The following ITGA9 variants were observed in gnomAD, a reference collection of about 807,000 sequenced individuals.
ITGA9 encodes the protein integrin subunit alpha 9.
Under a neutral mutation model 127.8 loss-of-function variants are expected in ITGA9, and 56 were observed. That is an observed-to-expected ratio of 0.44 (90% CI 0.35 to 0.55). ITGA9 has a LOEUF of 0.55. Among genes scored for constraint, ITGA9 ranks in the 20% least tolerant of loss-of-function variants. The pLI is 0.00. For synonymous variants in ITGA9, 508 were observed against 514.5 expected (o/e 0.99, Z 0.17); for missense variants, 1,196 against 1,347.1 (o/e 0.89, Z 1.76).
chr3:37,673,340 T>G (rs548375562), intron 17 of ITGA9, among the ~76,000 whole-genome samples: 1 of 152,168 alleles, frequency 6.6e-6, no homozygotes, highest in African/African-American at 2.4e-5. Context: ...ACCTTTCCCC[T>G]GTGAGACTCA....
intron 18 of ITGA9, among the ~76,000 whole-genome samples, chr3:37,709,284 T>C (rs1253041987): frequency 2.0e-5 from 3 of 152,200 alleles, no homozygotes; most frequent in Non-Finnish European, 4.4e-5. Context: ...TGACCTGGCA[T>C]GTGAAGCTGG....
At chr3:37,515,414 G>C (rs1209574390) in intron 9 of ITGA9, among the ~76,000 whole-genome samples, 1 of 152,196 alleles carries the variant, frequency 6.6e-6, no homozygotes, top group Non-Finnish European at 1.5e-5. Context: ...AGTGAAAGGA[G>C]AGCCAGGGAT....
Position 37,651,480 on chromosome 3 carries a change from C to T in ITGA9, c.1840-2234C>T, listed in dbSNP as rs61327828. Among the ~76,000 whole-genome samples, 705 of 152,272 alleles carry T rather than the reference C, an allele frequency of 4.6e-3. 4 individuals are homozygous for T. The highest frequency in any genetic ancestry group is 0.016 in the African/African-American group (668 of 41,548). On this transcript the variant is annotated intron_variant, in intron 16 of 27. Transcript: ENST00000264741. ...TCTCTCAGAGCAATGTGTGGTCTTT[C>T]GGTGTTGATAAAGCAGCAACTACAT...
In ITGA9 at chr3:37,806,701, G is replaced by C. The variant is rs1232181854; in HGVS notation, c.3009+2759G>C. 6.6e-6 allele frequency: 1 copy of C among 152,242 alleles called. No individual in the cohort carries two copies. The highest frequency in any genetic ancestry group is 1.5e-5 in the Non-Finnish European group (1 of 68,052). The allele number at this position is 152,242 out of a possible 1,614,324, so 9.4% of individuals were successfully genotyped here. A position where few individuals can be genotyped will look rare whatever the true frequency, so the allele number is the denominator to read the frequency against. ...CTGCCCTCTGCCACAGACTGGGAGG[G>C]AGAGGGCAGTCACGGCCGCCAGGGA... is the stretch of plus-strand genomic sequence containing the variant. On this transcript the variant is annotated intron_variant, in intron 27 of 27. Transcript: ENST00000264741. This position sits in a 1 kb window ranked among gnomAD's most constrained non-coding sequence, Gnocchi z 4.3.
intron 6 of ITGA9, among the ~76,000 whole-genome samples, chr3:37,504,806 A>C (rs1357863111): frequency 6.6e-6 from 1 of 152,218 alleles, no homozygotes; most frequent in East Asian, 1.9e-4. Flanking sequence ...GAAATCAGCC[A>C]CATGGTGAGG....
At chr3:37,599,907 T>A (rs548050843) in intron 15 of ITGA9, among the ~76,000 whole-genome samples, 1 of 152,286 alleles carries the variant, frequency 6.6e-6, no homozygotes, top group African/African-American at 2.4e-5. Flanking sequence ...CCTGAGGCAG[T>A]AGGGGAGATC....
intron 15 of ITGA9, among the ~76,000 whole-genome samples, chr3:37,601,904 G>C (rs1223974566): frequency 6.6e-6 from 1 of 152,206 alleles, no homozygotes; most frequent in Non-Finnish European, 1.5e-5. Flanking sequence ...GAGGGCGTCA[G>C]GCTGATTCTA....
intron 18 of ITGA9, among the ~76,000 whole-genome samples, chr3:37,705,317 T>C (rs1195219144): frequency 6.6e-6 from 1 of 152,242 alleles, no homozygotes; most frequent in Admixed American, 6.5e-5. Flanking sequence ...CTGACAGTCA[T>C]TAGCTAGTGG....
At chr3:37,579,400 T>G (rs1021808167) in intron 15 of ITGA9, among the ~76,000 whole-genome samples, 22 of 152,092 alleles carry the variant, frequency 1.4e-4, no homozygotes, top group Non-Finnish European at 8.8e-5. Context: ...GCTCCAGCCA[T>G]CACATCCAAA....
chr3:37,557,236 T>C (rs904333710), intron 15 of ITGA9, among the ~76,000 whole-genome samples: 2 of 152,220 alleles, frequency 1.3e-5, no homozygotes, highest in Non-Finnish European at 2.9e-5. Context: ...AGCTTAGAAA[T>C]TGCATGGGTC....
At position 37,820,864 on chromosome 3, in the gene ITGA9, A is replaced by C. The variant is rs1221492616; in HGVS notation, c.*1875A>C. The C allele has an allele frequency of 6.6e-6, 1 of 152,196 alleles. No individual in the cohort carries two copies. Among genetic ancestry groups the C allele is most frequent in the African/African-American group, 2.4e-5 (1 of 41,452 alleles). 9.4% of individuals were successfully genotyped at this position (152,196 alleles called of 1,614,324 possible). ...TTCTTATAGCACCTTTTTTACTGGA[A>C]GCTAACACGTTGGGAGTCCGTGAAC... On this transcript the variant is annotated 3_prime_UTR_variant, in exon 28 of 28. Coordinates refer to ENST00000264741, the MANE Select transcript of ITGA9 (RefSeq NM_002207.3).
rs1698706629 is a variant in ITGA9 at position 37,494,494 on chromosome 3, C to T, written c.545-7C>T. 2 of 1,605,326 alleles carry T rather than the reference C, an allele frequency of 1.2e-6. No individual in the cohort carries two copies. The highest frequency in any genetic ancestry group is 2.2e-5 in the South Asian group (2 of 90,790). ...TGGTTTGCTTCTCTCTCCTTCCTTC[C>T]CCCTAGAGTATAAGAAGAAGTACGG... On this transcript the variant is annotated splice_polypyrimidine_tract_variant and splice_region_variant and intron_variant, in intron 4 of 27. Transcript: ENST00000264741.
intron 16 of ITGA9, among the ~76,000 whole-genome samples, chr3:37,638,526 G>A (rs1188763725): frequency 5.3e-5 from 8 of 151,846 alleles, no homozygotes; most frequent in African/African-American, 7.3e-5. Flanking sequence ...CTGAGAGTGA[G>A]GCCCACTGCA....
Position 37,819,095 on chromosome 3 carries a change from A to G in ITGA9, c.*106A>G. 1 of 850,354 alleles carries G rather than the reference A, an allele frequency of 1.2e-6. No homozygotes were observed. Among genetic ancestry groups the G allele is most frequent in the South Asian group, 1.4e-5 (1 of 70,116 alleles). The allele number at this position is 850,354 out of a possible 1,614,324, so 52.7% of individuals were successfully genotyped here. On this transcript the variant is annotated 3_prime_UTR_variant, in exon 28 of 28. Coordinates refer to ENST00000264741, the MANE Select transcript of ITGA9 (RefSeq NM_002207.3). ...CTTCTCCAGATTTTTCGGAGGCCCC[A>G]CTGATGCTGTTCTCTTCTTCATTCT... is the stretch of plus-strand genomic sequence containing the variant.
At chr3:37,515,928 G>C (rs993335294) in intron 9 of ITGA9, among the ~76,000 whole-genome samples, 5 of 152,114 alleles carry the variant, frequency 3.3e-5, no homozygotes, top group African/African-American at 9.7e-5. Flanking sequence ...GTGCTTATTG[G>C]TACCTGTTGC....
chr3:37,671,608 G>A (rs1461372477), intron 17 of ITGA9, among the ~76,000 whole-genome samples: 1 of 152,058 alleles, frequency 6.6e-6, no homozygotes, highest in Non-Finnish European at 1.5e-5. Flanking sequence ...GGCCCAGGTG[G>A]GTACCTATGA....
chr3:37,562,428 C>T (rs917694980), intron 15 of ITGA9, among the ~76,000 whole-genome samples: 1 of 152,192 alleles, frequency 6.6e-6, no homozygotes, highest in Non-Finnish European at 1.5e-5. Context: ...CTTTATTCCT[C>T]TTTAGTTGAC....
intron 22 of ITGA9, among the ~76,000 whole-genome samples, 180 bp from the exon 23 acceptor site, chr3:37,750,282 A>G (rs1465608709): frequency 1.3e-5 from 2 of 152,254 alleles, no homozygotes; most frequent in African/African-American, 2.4e-5. Context: ...AAGTGTTTCT[A>G]TTTTGTTGAA....
At chr3:37,512,656 G>A (rs2125576853) in intron 8 of ITGA9, among the ~76,000 whole-genome samples, 1 of 152,188 alleles carries the variant, frequency 6.6e-6, no homozygotes, top group South Asian at 2.1e-4. Context: ...TAAAACACTG[G>A]CACTTTAAAT....
Sources: gnomAD v4.1 joint callset for allele counts (sites outside exome capture counted in the v4.1 genomes callset) on GRCh38, gnomAD v4.1.1 for gene constraint, Gnocchi (gnomAD v3.1) non-coding constraint, MANE v1.5 for transcripts, NCBI Gene and HGNC (gene_info 2026-07-23, HGNC 2026-07-21) for gene names.